MEIS2: variants seen among roughly 807,000 people sequenced by gnomAD.
MEIS2 encodes homeobox protein Meis2.
A neutral mutation model predicts 58.6 loss-of-function variants in MEIS2; 9 were observed. The ratio of observed to expected loss-of-function variants is 0.15; its 90% CI spans 0.09 to 0.27. MEIS2 has a LOEUF of 0.27. Among genes scored for constraint, MEIS2 ranks in the 10% least tolerant of loss-of-function variants. MEIS2 has a pLI of 1.00. For missense variants in MEIS2, 427 were observed against 635.0 expected, an observed-to-expected ratio of 0.67 and a Z score of 3.52; for synonymous variants, 221 against 228.4, an observed-to-expected ratio of 0.97 and a Z score of 0.29.
intron 9 of MEIS2, chr15:36,897,859 C>G (rs1436216129): frequency 6.6e-6 from 1 of 152,200 alleles, no homozygotes; most frequent in African/African-American, 2.4e-5. Context: ...CAGGCAGGAA[C>G]TGAAAACTCA....
intron 9 of MEIS2, among the ~76,000 whole-genome samples, chr15:36,928,439 C>G (rs1388471793): frequency 6.6e-6 from 1 of 152,118 alleles, no homozygotes; most frequent in Non-Finnish European, 1.5e-5. Flanking sequence ...GCTGAGGGAC[C>G]AAGTTCAGGT....
chr15:37,034,288 C>A (rs912827551), intron 8 of MEIS2, among the ~76,000 whole-genome samples: 2 of 152,110 alleles, frequency 1.3e-5, no homozygotes, highest in African/African-American at 4.8e-5. Flanking sequence ...GTCCAGGGAA[C>A]TTAATGGACT....
intron 9 of MEIS2, among the ~76,000 whole-genome samples, chr15:36,916,337 G>A (rs2057278350): frequency 6.6e-6 from 1 of 150,702 alleles, no homozygotes; most frequent in African/African-American, 2.4e-5. Flanking sequence ...TGAGGCAAGA[G>A]AATGGTGTGA....
chr15:37,036,973 A>G lies in MEIS2; in HGVS notation c.755-14T>C, dbSNP rs774368198. ...CTAAACCATCCCCTAGTAGAAAGAA[A>G]TAAAAATACATTAGAGAAAACATCG... On this transcript the variant is annotated splice_polypyrimidine_tract_variant and intron_variant, in intron 7 of 11. Coordinates refer to ENST00000561208, the MANE Select transcript of MEIS2 (RefSeq NM_170675.5). The G allele has an allele frequency of 1.9e-6, 3 of 1,595,858 alleles. No individual in the cohort carries two copies. Among genetic ancestry groups the G allele is most frequent in the Non-Finnish European group, 2.6e-6 (3 of 1,173,240 alleles).
At chr15:36,905,645 A>G (rs1297317050) in intron 9 of MEIS2, among the ~76,000 whole-genome samples, 1 of 152,144 alleles carries the variant, frequency 6.6e-6, no homozygotes, top group Admixed American at 6.5e-5. Flanking sequence ...AAAAAATTAG[A>G]CCAAATAATT....
At chr15:37,004,362 G>C (rs986139537) in intron 8 of MEIS2, among the ~76,000 whole-genome samples, 2 of 152,200 alleles carry the variant, frequency 1.3e-5, no homozygotes, top group Admixed American at 1.3e-4. Context: ...CAGAATTCTA[G>C]CAATAAATTT....
intron 8 of MEIS2, among the ~76,000 whole-genome samples, chr15:37,031,189 T>G (rs1395767744): frequency 3.9e-5 from 6 of 152,156 alleles, no homozygotes; most frequent in Non-Finnish European, 8.8e-5. Context: ...TTATTCTTCT[T>G]CTGCAGATAT....
At chr15:36,914,254 G>T (rs1322395250) in intron 9 of MEIS2, among the ~76,000 whole-genome samples, 2 of 152,082 alleles carry the variant, frequency 1.3e-5, no homozygotes, top group Admixed American at 1.3e-4. Flanking sequence ...GAACACAGAT[G>T]ATAATAAGAA....
intron 8 of MEIS2, among the ~76,000 whole-genome samples, chr15:37,005,705 C>A (rs2060897499): frequency 6.6e-6 from 1 of 152,138 alleles, no homozygotes; most frequent in Admixed American, 6.5e-5. Flanking sequence ...TACAGATGTG[C>A]ACCACCATGT....
chr15:37,099,724 A>ACCT lies in MEIS2; in HGVS notation c.-261_-259dup, dbSNP rs1413854735. On this transcript the variant is annotated 5_prime_UTR_variant, in exon 1 of 12. Transcript: ENST00000561208. The stretch of plus-strand genomic sequence containing the variant: ...CTCCTGATCTTCCTCCTCCTCCTCC[A>ACCT]CCTCCTCCTCCTCCCCCCTCCCCTC... 9.4e-6 allele frequency: 3 copies of ACCT among 320,216 alleles called. No homozygotes were observed. The highest frequency in any genetic ancestry group is 3.3e-5 in the African/African-American group (1 of 30,650). The allele number at this position is 320,216 out of a possible 1,614,324, so 19.8% of individuals were successfully genotyped here. A position where few individuals can be genotyped will look rare whatever the true frequency, so the allele number is the denominator to read the frequency against.
intron 9 of MEIS2, among the ~76,000 whole-genome samples, chr15:36,935,090 A>G (rs1169390796): frequency 6.6e-6 from 1 of 151,920 alleles, no homozygotes; most frequent in East Asian, 1.9e-4. Context: ...CAGATTCAGT[A>G]TGGTAGTGGG....
chr15:36,943,442 A>C (rs2058445847), intron 9 of MEIS2, among the ~76,000 whole-genome samples: 1 of 152,142 alleles, frequency 6.6e-6, no homozygotes, highest in African/African-American at 2.4e-5. Context: ...TTCAAATATC[A>C]AAAAGGGTCT....
intron 8 of MEIS2, among the ~76,000 whole-genome samples, chr15:37,024,034 C>T (rs1263137685): frequency 4.0e-5 from 6 of 151,268 alleles, no homozygotes; most frequent in African/African-American, 9.7e-5. Flanking sequence ...CTCAGCCTCC[C>T]GATTAGCTGG....
At chr15:36,924,210 A>G (rs1429957647) in intron 9 of MEIS2, among the ~76,000 whole-genome samples, 2 of 152,162 alleles carry the variant, frequency 1.3e-5, no homozygotes, top group Non-Finnish European at 2.9e-5. Flanking sequence ...CTGTCTGGCT[A>G]TCTAGTAATA....
chr15:36,926,161 T>C (rs2057738974), intron 9 of MEIS2, among the ~76,000 whole-genome samples: 1 of 152,128 alleles, frequency 6.6e-6, no homozygotes, highest in South Asian at 2.1e-4. Flanking sequence ...TTTCCTTTTT[T>C]TTTTTTTCTT....
At chr15:36,896,898 G>T (rs1274433470) in intron 9 of MEIS2, 1 of 518,284 alleles carries the variant, frequency 1.9e-6, no homozygotes, top group African/African-American at 1.9e-5. Flanking sequence ...CAACTTGCTA[G>T]AAGAGCTCAG....
chr15:37,047,636 T>C (rs1195683823), intron 7 of MEIS2, among the ~76,000 whole-genome samples: 2 of 152,196 alleles, frequency 1.3e-5, no homozygotes, highest in African/African-American at 2.4e-5. Context: ...TTTCACCTAA[T>C]AGTTTGACAC....
chr15:37,019,822 G>A (rs1017356343), intron 8 of MEIS2, among the ~76,000 whole-genome samples: 1 of 152,174 alleles, frequency 6.6e-6, no homozygotes, highest in Non-Finnish European at 1.5e-5. Flanking sequence ...AACCACAGGA[G>A]CAAGCACTGG....
At chr15:36,944,325 T>C (rs1337122703) in intron 9 of MEIS2, among the ~76,000 whole-genome samples, 2 of 152,028 alleles carry the variant, frequency 1.3e-5, no homozygotes, top group Non-Finnish European at 2.9e-5. Context: ...TCAGAAATAA[T>C]TGTAGGTCTC....
Sources: gnomAD v4.1 joint callset for allele counts (sites outside exome capture counted in the v4.1 genomes callset) on GRCh38, gnomAD v4.1.1 for gene constraint, MANE v1.5 for transcripts, NCBI Gene and HGNC (gene_info 2026-07-23, HGNC 2026-07-21) for gene names.